The following RIOK2 variants were observed in gnomAD, a reference collection of about 807,000 sequenced individuals.
RIOK2 encodes serine/threonine-protein kinase RIO2.
Under a neutral mutation model 62.4 loss-of-function variants are expected in RIOK2, and 46 were observed. The observed-to-expected ratio is 0.74, with a 90% CI of 0.58 to 0.94. RIOK2 has a LOEUF of 0.94. RIOK2 is among the 40% of genes least tolerant of loss of function. The pLI, the probability that RIOK2 is intolerant of heterozygous loss-of-function variation, is 0.00. For missense variants in RIOK2, 574 were observed against 658.0 expected, an observed-to-expected ratio of 0.87 and a Z score of 1.40; for synonymous variants, 197 against 216.0, an observed-to-expected ratio of 0.91 and a Z score of 0.77.
intron 4 of RIOK2, chr5:97,176,222 A>G (rs970556110): frequency 1.3e-5 from 2 of 152,206 alleles, no homozygotes; most frequent in African/African-American, 4.8e-5. Flanking sequence ...AGTACAATAC[A>G]TTTTGTTTAC....
At chr5:97,182,781 G>GGT (rs1554083818) in intron 1 of RIOK2, 1 of 148,270 alleles carries the variant, frequency 6.7e-6, no homozygotes, top group South Asian at 8.5e-5. Context: ...CAAATCTCGG[G>GGT]GGGGGGGGGG....
intron 6 of RIOK2, among the ~76,000 whole-genome samples, chr5:97,169,996 G>A (rs557165295): frequency 2.4e-4 from 37 of 152,230 alleles, no homozygotes; most frequent in Admixed American, 1.2e-3. Flanking sequence ...TGTTGAAAAC[G>A]TTTTAAAAAT....
intron 8 of RIOK2, chr5:97,166,982 C>G (rs1294373648): frequency 1.6e-6 from 1 of 640,334 alleles, no homozygotes; most frequent in Admixed American, 5.7e-5. Context: ...GTGGTACGAT[C>G]TTTGGCTTAC....
In RIOK2 at chr5:97,163,016, G is replaced by T. The variant is rs1748743048; in HGVS notation, c.*45C>A. 2 of 1,493,868 alleles carry T rather than the reference G, an allele frequency of 1.3e-6. No homozygotes were observed. Among genetic ancestry groups the T allele is most frequent in the Non-Finnish European group, 1.8e-6 (2 of 1,103,272 alleles). 92.5% of individuals were successfully genotyped at this position (1,493,868 alleles called of 1,614,324 possible). A position where few individuals can be genotyped will look rare whatever the true frequency, so the allele number is the denominator to read the frequency against. ...AATGAGGGCTCAAAAAGGAATTACA[G>T]TAACTTTAAAAAATATATTAAACAT... On this transcript the variant is annotated 3_prime_UTR_variant, in exon 10 of 10. Transcript: ENST00000283109.
In RIOK2 at chr5:97,171,329, A is replaced by T; in HGVS notation, c.656T>A (p.Leu219His). The change falls in exon 6 of 10, where the codon CTT (leucine) becomes CAT (histidine). Residue 219 changes from leucine (L) to histidine (H), a missense_variant. Leu to His is a moderately conservative substitution (Grantham distance 99). Transcript: ENST00000283109. ...TCCATGAATCAGCCCATGATTTGCA[A>T]GTTTGACAATTAGTTCCATAGCTTC... is the stretch of plus-strand genomic sequence containing the variant. Reference protein sequence around the residue: ...YDEAMELIVKLANHGLIHGDF... With the variant: ...YDEAMELIVKHANHGLIHGDF... The T allele has an allele frequency of 6.2e-7, 1 of 1,610,076 alleles. No homozygotes were observed. Among genetic ancestry groups the T allele is most frequent in the Non-Finnish European group, 8.5e-7 (1 of 1,178,336 alleles).
At chr5:97,178,595 T>C (rs1370375833) in intron 2 of RIOK2, among the ~76,000 whole-genome samples, 1 of 151,246 alleles carries the variant, frequency 6.6e-6, no homozygotes, top group East Asian at 2.0e-4. Context: ...TACATGCTCT[T>C]CTGCAGTACT....
At chr5:97,179,968 TATATATATAATATATATATATAAA>T (rs1749295089) in intron 1 of RIOK2, among the ~76,000 whole-genome samples, 2 of 53,424 alleles carry the variant, frequency 3.7e-5, no homozygotes, top group East Asian at 5.4e-4. Flanking sequence ...GTATTTTATA[TATATATATAATATATATATATAAA>T]ATATATATAT....
At position 97,165,099 on chromosome 5, in the gene RIOK2, C is replaced by CA; in HGVS notation, c.1445dup (p.Ser483GlufsTer52). 1.3e-6 allele frequency: 2 copies of CA among 1,584,186 alleles called. No individual in the cohort carries two copies. Among genetic ancestry groups the CA allele is most frequent in the Admixed American group, 3.6e-5 (2 of 55,386 alleles). ...CAGCACTGCCTGAAGAAGTGATACT[C>CA]AGAGTTCTTGTTCTATACTGATTCA... On this transcript the variant is annotated frameshift_variant, in exon 9 of 10. Transcript: ENST00000283109. LOFTEE classifies it high-confidence loss of function.
At position 97,167,551 on chromosome 5, in the gene RIOK2, A is replaced by G. The variant is rs767039019; in HGVS notation, c.1313T>C (p.Val438Ala). The G allele has an allele frequency of 1.2e-5, 19 of 1,613,900 alleles. No homozygotes were observed. The East Asian group carries it at 4.0e-4, about 34-fold the overall frequency. Reference protein sequence around the residue: ...RQDGQRVQGGVPAGSDEYEDE... With the variant: ...RQDGQRVQGGAPAGSDEYEDE... ...TTCATACTCGTCAGAGCCAGCAGGG[A>G]CTCCTCCTTGAACTCTCTGACCATC... The change falls in exon 8 of 10, where the codon GTC becomes GCC. Residue 438 changes from valine to alanine, a missense_variant. Transcript: ENST00000283109.
intron 2 of RIOK2, 59 bp from the exon 3 acceptor site, chr5:97,177,907 G>T (rs146354896): frequency 1.0e-6 from 1 of 991,944 alleles, no homozygotes; most frequent in Non-Finnish European, 1.5e-6. Context: ...ACCAAGTCAC[G>T]TAAGTTCAAG....
intron 4 of RIOK2, 110 bp downstream of exon 4, chr5:97,177,006 T>A: frequency 1.1e-6 from 1 of 904,718 alleles, no homozygotes; most frequent in South Asian, 1.5e-5. Flanking sequence ...AGGAATTGAG[T>A]CTAAGGTTAG....
rs1302366756 is a variant in RIOK2, at chr5:97,161,997, G to T, written c.*1064C>A. 3.9e-5 allele frequency: 6 copies of T among 152,264 alleles called. No individual in the cohort carries two copies. The East Asian group carries it at 1.2e-3, about 29-fold the overall frequency. The allele number at this position is 152,264 out of a possible 1,614,324, so 9.4% of individuals were successfully genotyped here. A position where few individuals can be genotyped will look rare whatever the true frequency, so the allele number is the denominator to read the frequency against. On this transcript the variant is annotated 3_prime_UTR_variant, in exon 10 of 10. Transcript: ENST00000283109. ...AATTTATTAGATAATTACAGGTCTT[G>T]CAAATAGCTAGTAGAGTTAATTTGG... is the stretch of plus-strand genomic sequence containing the variant.
At chr5:97,169,989 T>A (rs143626596) in intron 6 of RIOK2, among the ~76,000 whole-genome samples, 1,864 of 152,344 alleles carry the variant, frequency 0.012, 34 homozygotes, top group African/African-American at 0.042. Flanking sequence ...ATTATTTTGT[T>A]GAAAACGTTT....
At chr5:97,180,091 A>ATC (rs1554083574) in intron 1 of RIOK2, among the ~76,000 whole-genome samples, 29 of 90,134 alleles carry the variant, frequency 3.2e-4, no homozygotes, top group Non-Finnish European at 5.3e-4. Flanking sequence ...ATATATATAT[A>ATC]TCTCTATCCT....
intron 1 of RIOK2, 21 bp downstream of exon 1, chr5:97,183,105 C>G: frequency 1.2e-6 from 2 of 1,613,862 alleles, no homozygotes; most frequent in Non-Finnish European, 8.5e-7. Context: ...GAAGGGAGAA[C>G]AGGAACGGCG....
chr5:97,178,834 C>T (rs1436872314), intron 2 of RIOK2: 1 of 577,620 alleles, frequency 1.7e-6, no homozygotes, highest in African/African-American at 1.9e-5. Context: ...TGCTCTTCTG[C>T]AGTACCTACA....
chr5:97,177,054 G>A, intron 4 of RIOK2, 62 bp downstream of exon 4: 1 of 1,363,754 alleles, frequency 7.3e-7, no homozygotes, highest in South Asian at 1.2e-5. Context: ...TTGTCATTAA[G>A]GCCTTTGAGA....
At position 97,178,073 on chromosome 5, in the gene RIOK2, G is replaced by A. The variant is rs189192392; in HGVS notation, c.206-225C>T. On this transcript the variant is annotated intron_variant, in intron 2 of 9. Transcript: ENST00000283109. ...ACAGGTCTGTAAGTGTTTGTGACAA[G>A]ATAAAAGGAGGAATTTAAGTTCAAT... Among the ~76,000 whole-genome samples, 19 of 152,316 alleles carry A rather than the reference G, an allele frequency of 1.2e-4. 1 individual carries two copies. The East Asian group carries it at 3.5e-3, about 28-fold the overall frequency.
chr5:97,165,099 C>T lies in RIOK2; in HGVS notation c.1446G>A (p.Leu482=). 1 of 1,584,184 alleles carries T rather than the reference C, an allele frequency of 6.3e-7. No individual in the cohort carries two copies. The highest frequency in any genetic ancestry group is 8.6e-7 in the Non-Finnish European group (1 of 1,165,928). ...CAGCACTGCCTGAAGAAGTGATACT[C>T]AGAGTTCTTGTTCTATACTGATTCA... is the stretch of plus-strand genomic sequence containing the variant. The part of the protein sequence containing the change: ...GAMNQYRTRT[L]SITSSGSAVS... Residue 482 remains leucine, a synonymous_variant, in exon 9 of 10, where the codon CTG becomes CTA. Coordinates refer to ENST00000283109, the MANE Select transcript of RIOK2 (RefSeq NM_018343.3).
Sources: gnomAD v4.1 joint callset for allele counts (sites outside exome capture counted in the v4.1 genomes callset) on GRCh38, gnomAD v4.1.1 for gene constraint, MANE v1.5 for transcripts, NCBI Gene and HGNC (gene_info 2026-07-23, HGNC 2026-07-21) for gene names.